Variants in TGM7 observed in about 807,000 individuals in gnomAD.
The protein encoded by TGM7 is protein-glutamine gamma-glutamyltransferase Z.
Under a neutral mutation model 79.5 loss-of-function variants are expected in TGM7, and 74 were observed. The observed-to-expected ratio is 0.93, with a 90% CI of 0.77 to 1.13. The LOEUF (loss-of-function observed/expected upper bound fraction) is 1.13, where lower values mean the gene tolerates loss of function less well. Among genes scored for constraint, TGM7 ranks in the 50% most tolerant of loss-of-function variants. The pLI is 0.00. For synonymous variants in TGM7, 354 were observed against 362.5 expected (o/e 0.98, Z 0.27); for missense variants, 912 against 905.9 (o/e 1.01, Z -0.09).
chr15:43,279,606 A>G lies in TGM7; in HGVS notation c.1678+19T>C. On this transcript the variant is annotated intron_variant, in intron 10 of 12. Transcript: ENST00000452443. ...CTCCCCTCCCTGTAGGTGCCTTCTC[A>G]GGCCTGCCTCACACTCACCCTTCCC... 2 of 1,550,282 alleles carry G rather than the reference A, an allele frequency of 1.3e-6. No individual in the cohort carries two copies. Among genetic ancestry groups the G allele is most frequent in the Non-Finnish European group, 1.7e-6 (2 of 1,146,688 alleles).
intron 10 of TGM7, 133 bp from the exon 11 acceptor site, chr15:43,279,410 G>A (rs954125163): frequency 1.0e-5 from 12 of 1,163,082 alleles, no homozygotes; most frequent in Non-Finnish European, 1.5e-5. Flanking sequence ...GACAGACAGC[G>A]TCCCACCACG....
At position 43,276,628 on chromosome 15, in the gene TGM7, A is replaced by T. The variant is rs369644607; in HGVS notation, c.1974-14T>A. 5 of 1,609,862 alleles carry T rather than the reference A, an allele frequency of 3.1e-6. No individual in the cohort carries two copies. In the African/African-American group the frequency reaches 6.7e-5, roughly 22 times the overall value. The stretch of plus-strand genomic sequence containing the variant: ...AGAGTCCCAAGGCTGAAAGTCAGAA[A>T]CAGCCTGTGAGAGCCTCGAGGACTT... On this transcript the variant is annotated splice_polypyrimidine_tract_variant and intron_variant, in intron 12 of 12. Transcript: ENST00000452443.
chr15:43,293,617 G>C lies in TGM7; in HGVS notation c.25C>G (p.Leu9Val). The C allele has an allele frequency of 6.2e-7, 1 of 1,606,478 alleles. No homozygotes were observed. Among genetic ancestry groups the C allele is most frequent in the South Asian group, 1.1e-5 (1 of 90,700 alleles). MDQVATLR[L>V]ESVDLQSSRN... ...GAGCTCTGCAGGTCGACAGACTCAA[G>C]CCGCAAGGTTGCCACTAGGGGAGAG... The change falls in exon 2 of 13, where the codon CTT becomes GTT. Residue 9 changes from leucine (L) to valine (V), a missense_variant. Physicochemically the swap from Leu to Val is conservative, Grantham distance 32. Coordinates refer to ENST00000452443, the MANE Select transcript of TGM7 (RefSeq NM_052955.3).
intron 2 of TGM7, 63 bp downstream of exon 2, chr15:43,293,386 C>T (rs544428723): frequency 2.6e-4 from 400 of 1,515,414 alleles, no homozygotes; most frequent in Non-Finnish European, 3.4e-4. Flanking sequence ...GCCCCGCAGG[C>T]AGACTCTGTA....
chr15:43,298,088 C>T (rs1489501034), intron 1 of TGM7, among the ~76,000 whole-genome samples: 2 of 152,188 alleles, frequency 1.3e-5, no homozygotes, highest in Non-Finnish European at 2.9e-5. Context: ...TGAAATGGAG[C>T]TGTTAATATT....
intron 8 of TGM7, 43 bp downstream of exon 8, chr15:43,282,474 C>T (rs1296735024): frequency 2.6e-6 from 4 of 1,514,100 alleles, no homozygotes; most frequent in Non-Finnish European, 3.6e-6. Flanking sequence ...CCCTAATCTG[C>T]CTCCCCACAG....
intron 1 of TGM7, 72 bp from the exon 2 acceptor site, chr15:43,293,703 A>C: frequency 8.6e-7 from 1 of 1,162,152 alleles, no homozygotes; most frequent in South Asian, 2.2e-5. Flanking sequence ...GTGGCTTCTC[A>C]GTCATTTCTG....
chr15:43,293,672 C>G (rs1401499493), intron 1 of TGM7, 41 bp from the exon 2 acceptor site: 2 of 1,500,970 alleles, frequency 1.3e-6, no homozygotes, highest in Non-Finnish European at 8.9e-7. Context: ...ACCTGCAGTC[C>G]CCTGGGCTCA....
At chr15:43,283,946 G>A (rs1413358273) in intron 7 of TGM7, among the ~76,000 whole-genome samples, 1 of 152,214 alleles carries the variant, frequency 6.6e-6, no homozygotes, top group Non-Finnish European at 1.5e-5. Context: ...GGTGGCTCAG[G>A]CCTGTAATCC....
At chr15:43,293,197 G>A (rs1275238035) in intron 2 of TGM7, among the ~76,000 whole-genome samples, 2 of 152,186 alleles carry the variant, frequency 1.3e-5, no homozygotes, top group Non-Finnish European at 2.9e-5. Context: ...GAGCTAATGT[G>A]TGTAAAGTTT....
rs1183181269 is a variant in TGM7 at position 43,293,463 on chromosome 15, A to G, written c.179T>C (p.Phe60Ser). Reference protein sequence around the residue: ...PFQSQNDHITFVAETGPKPSE... With the variant: ...PFQSQNDHITSVAETGPKPSE... ...GGCAAACTCACCGGTCTCAGCCACA[A>G]AGGTGATGTGGTCGTTCTGGGACTG... is the stretch of plus-strand genomic sequence containing the variant. The change falls in exon 2 of 13, where the codon TTT becomes TCT. Residue 60 changes from phenylalanine to serine, a missense_variant. Transcript: ENST00000452443. The G allele has an allele frequency of 1.9e-6, 3 of 1,605,120 alleles. No homozygotes were observed. Among genetic ancestry groups the G allele is most frequent in the Non-Finnish European group, 1.7e-6 (2 of 1,174,468 alleles).
chr15:43,284,957 A>AAT lies in TGM7; in HGVS notation c.866-6_866-5insAT. 6.2e-7 allele frequency: 1 copy of AAT among 1,614,068 alleles called. No homozygotes were observed. The highest frequency in any genetic ancestry group is 1.1e-5 in the South Asian group (1 of 91,074). On this transcript the variant is annotated splice_region_variant and splice_polypyrimidine_tract_variant and intron_variant, in intron 6 of 12. Coordinates refer to ENST00000452443, the MANE Select transcript of TGM7 (RefSeq NM_052955.3). ...GAACACCTAAGCATCTCATTACTAA[A>AAT]GAGAAAAATATAGAGAATCGCTGAG...
chr15:43,284,718 T>C (rs1371718727), intron 7 of TGM7, 96 bp downstream of exon 7: 2 of 1,443,626 alleles, frequency 1.4e-6, no homozygotes, highest in African/African-American at 2.8e-5. Flanking sequence ...CTCAGGGCAA[T>C]CTTGCAATAT....
intron 12 of TGM7, 101 bp from the exon 13 acceptor site, chr15:43,276,715 C>T: frequency 6.5e-7 from 1 of 1,541,234 alleles, no homozygotes; most frequent in Non-Finnish European, 8.8e-7. Flanking sequence ...CCACTCACCA[C>T]CACCACTGAG....
intron 5 of TGM7, 35 bp downstream of exon 5, chr15:43,287,506 A>G (rs907512441): frequency 3.0e-5 from 49 of 1,612,960 alleles, no homozygotes; most frequent in Non-Finnish European, 3.6e-5. Context: ...GGAAGCTCAG[A>G]CTGTCCTCAG....
intron 1 of TGM7, among the ~76,000 whole-genome samples, chr15:43,294,072 C>A (rs940447075): frequency 6.6e-6 from 1 of 152,104 alleles, no homozygotes; most frequent in African/African-American, 2.4e-5. Flanking sequence ...GCTGCATGCT[C>A]TTAACTATTT....
At position 43,279,269 on chromosome 15, in the gene TGM7, A is replaced by G. The variant is rs1208243435; in HGVS notation, c.1687T>C (p.Trp563Arg). 3.7e-6 allele frequency: 6 copies of G among 1,613,912 alleles called. No individual in the cohort carries two copies. The highest frequency in any genetic ancestry group is 3.3e-5 in the South Asian group (3 of 91,052). ...TTGCTGTAGGGCAGGAGGAGCGGCC[A>G]CTGTGTCTCTAAGCACATACAAAAG... ...MNLDFGKETQ[W>R]PLLLPYSNYR... The change falls in exon 11 of 13, where the codon TGG (tryptophan) becomes CGG (arginine). Residue 563 changes from tryptophan to arginine, a missense_variant. Transcript: ENST00000452443.
At chr15:43,278,990 A>G in intron 11 of TGM7, 127 bp downstream of exon 11, 1 of 1,041,530 alleles carries the variant, frequency 9.6e-7, no homozygotes, top group South Asian at 1.7e-5. Context: ...ACTAGACCAC[A>G]CCATACTGTG....
chr15:43,280,679 C>T (rs1389454814), intron 9 of TGM7, among the ~76,000 whole-genome samples: 1 of 152,096 alleles, frequency 6.6e-6, no homozygotes, highest in Admixed American at 6.5e-5. Flanking sequence ...AACATGGAGG[C>T]TTAATGTGGC....
Sources: gnomAD v4.1 joint callset for allele counts (sites outside exome capture counted in the v4.1 genomes callset) on GRCh38, gnomAD v4.1.1 for gene constraint, MANE v1.5 for transcripts, NCBI Gene and HGNC (gene_info 2026-07-23, HGNC 2026-07-21) for gene names.